Variants in CLCNKA observed in about 807,000 individuals in gnomAD.
CLCNKA encodes chloride channel protein ClC-Ka.
CLCNKA carries 66 observed loss-of-function variants against 83.3 expected under a neutral mutation model. That is an observed-to-expected ratio of 0.79 (90% CI 0.65 to 0.97). CLCNKA has a LOEUF of 0.97. Ranked by LOEUF, CLCNKA falls within the 50% of genes least tolerant of loss-of-function variation. The pLI is 0.00. For missense variants in CLCNKA, 806 were observed against 888.7 expected (o/e 0.91, Z 1.18); for synonymous variants, 357 against 370.4 (o/e 0.96, Z 0.42).
In CLCNKA at chr1:16,026,220, C is replaced by T. The variant is rs201270640; in HGVS notation, c.471C>T (p.Thr157=). 28 of 1,613,886 alleles carry T rather than the reference C, an allele frequency of 1.7e-5. No homozygotes were observed. The highest frequency in any genetic ancestry group is 6.6e-5 in the South Asian group (6 of 91,066). The change falls in exon 5 of 20, where the codon ACC becomes ACT. Residue 157 remains threonine, a synonymous_variant. Coordinates refer to ENST00000331433, the MANE Select transcript of CLCNKA (RefSeq NM_004070.4). Reference sequence around the variant, plus strand: ...TGGGCCTCTCCTGCACCCTGGCCACCGGCAGCACCCTGTTCCTGGGCAAAG... The same window carrying T: ...TGGGCCTCTCCTGCACCCTGGCCACTGGCAGCACCCTGTTCCTGGGCAAAG... ...KVVGLSCTLA[T]GSTLFLGKVG... is the part of the protein sequence containing the mutation.
At chr1:16,031,686 T>C (rs1264885455) in intron 15 of CLCNKA, 24 bp from the exon 16 acceptor site, 7 of 1,613,476 alleles carry the variant, frequency 4.3e-6, no homozygotes, top group Non-Finnish European at 4.2e-6. Flanking sequence ...CTCCGGGACC[T>C]GATGGGAGCC....
chr1:16,024,958 T>C, intron 4 of CLCNKA, 67 bp downstream of exon 4: 8 of 1,596,878 alleles, frequency 5.0e-6, no homozygotes, highest in Non-Finnish European at 6.0e-6. Flanking sequence ...GGGCTTCTGA[T>C]GGGGGGAATC....
intron 17 of CLCNKA, 33 bp from the exon 18 acceptor site, chr1:16,032,410 G>A (rs201197774): frequency 4.0e-4 from 633 of 1,585,868 alleles, no homozygotes; most frequent in Non-Finnish European, 5.0e-4. Context: ...TGGGGAGGCC[G>A]GCCCTGCACC....
At chr1:16,027,984 T>A (rs1164578692) in intron 9 of CLCNKA, 34 bp from the exon 10 acceptor site, 2 of 1,613,500 alleles carry the variant, frequency 1.2e-6, no homozygotes, top group Admixed American at 1.7e-5. Context: ...GGTACTGGGG[T>A]CAGGCTCTGG....
chr1:16,024,484 T>C (rs2124022036), intron 3 of CLCNKA, among the ~76,000 whole-genome samples: 1 of 152,336 alleles, frequency 6.6e-6, no homozygotes, highest in Non-Finnish European at 1.5e-5. Flanking sequence ...AATGAGCCTG[T>C]GAGGAAGAGC....
intron 3 of CLCNKA, among the ~76,000 whole-genome samples, chr1:16,024,541 G>A (rs913146189): frequency 2.6e-5 from 4 of 152,302 alleles, no homozygotes; most frequent in Non-Finnish European, 5.9e-5. Context: ...GCTCAGAGAG[G>A]CTGAGTGGCT....
At chr1:16,024,665 C>T (rs955817237) in intron 3 of CLCNKA, 98 bp from the exon 4 acceptor site, 171 of 1,538,902 alleles carry the variant, frequency 1.1e-4, no homozygotes, top group East Asian at 1.4e-4. Flanking sequence ...CTCCCCTCTT[C>T]GTGACTCCAT....
chr1:16,023,995 T>C (rs2022242833), intron 3 of CLCNKA, 67 bp downstream of exon 3: 1 of 1,596,692 alleles, frequency 6.3e-7, no homozygotes, highest in Admixed American at 1.7e-5. Context: ...GGATACCAGA[T>C]GGGCCACCAA....
At chr1:16,022,301 G>C (rs2022162190) in intron 1 of CLCNKA, among the ~76,000 whole-genome samples, 1 of 152,210 alleles carries the variant, frequency 6.6e-6, no homozygotes, top group Admixed American at 6.5e-5. Context: ...CACAGCCCTG[G>C]GCAGAGACTG....
chr1:16,023,940 C>T lies in CLCNKA; in HGVS notation c.229+12C>T. 6.2e-7 allele frequency: 1 copy of T among 1,613,792 alleles called. No individual in the cohort carries two copies. Among genetic ancestry groups the T allele is most frequent in the Non-Finnish European group, 8.5e-7 (1 of 1,179,804 alleles). ...GTGTGTGGTCCGAGGTAACTCTTCC[C>T]TGGCAGGTGCTGCTCTGGGCCAAGG... On this transcript the variant is annotated intron_variant, in intron 3 of 19. Transcript: ENST00000331433.
At chr1:16,028,216 C>T in intron 10 of CLCNKA, 97 bp downstream of exon 10, 1 of 1,130,990 alleles carries the variant, frequency 8.8e-7, no homozygotes, top group Non-Finnish European at 1.3e-6. Context: ...CCACTGAGCC[C>T]CTAAATCCCT....
chr1:16,022,832 A>T lies in CLCNKA; in HGVS notation c.100+113A>T, dbSNP rs149588965. On this transcript the variant is annotated intron_variant, in intron 2 of 19. Transcript: ENST00000331433. ...ACCACCCTCCTGTCATTTGTCCAGG[A>T]CATGACTGCCCAAAGTCTCCTGGGT... is the stretch of plus-strand genomic sequence containing the variant. The T allele has an allele frequency of 1.4e-4, 106 of 761,530 alleles. 2 individuals are homozygous for T. In the Middle Eastern group the frequency reaches 0.012, roughly 83 times the overall value. The allele number at this position is 761,530 out of a possible 1,614,324, so 47.2% of individuals were successfully genotyped here.
chr1:16,028,131 G>A lies in CLCNKA; in HGVS notation c.968+12G>A. The A allele has an allele frequency of 6.2e-7, 1 of 1,611,840 alleles. No individual in the cohort carries two copies. The highest frequency in any genetic ancestry group is 2.2e-5 in the East Asian group (1 of 44,792). ...CTGCTGGCTACTAGGTAGGCTCTGG[G>A]CTAGGGGCTGGGGACATCTCAGTGA... On this transcript the variant is annotated intron_variant, in intron 10 of 19. Transcript: ENST00000331433.
intron 18 of CLCNKA, 34 bp downstream of exon 18, chr1:16,032,560 C>G (rs2022673120): frequency 2.0e-6 from 3 of 1,512,668 alleles, no homozygotes; most frequent in East Asian, 4.5e-5. Flanking sequence ...CACACGCAGC[C>G]CCCGGGGCAG....
At chr1:16,023,686 C>A in intron 2 of CLCNKA, 114 bp from the exon 3 acceptor site, 1 of 1,315,104 alleles carries the variant, frequency 7.6e-7, no homozygotes, top group Non-Finnish European at 1.1e-6. Flanking sequence ...CTCAGGACTA[C>A]CCCAGACTCA....
At chr1:16,031,277 T>C (rs946442476) in intron 15 of CLCNKA, among the ~76,000 whole-genome samples, 4 of 152,194 alleles carry the variant, frequency 2.6e-5, no homozygotes, top group African/African-American at 9.7e-5. Context: ...TTTTCAACCT[T>C]CCAAGTTTTT....
At position 16,029,268 on chromosome 1, in the gene CLCNKA, T is replaced by A. The variant is rs543414870; in HGVS notation, c.1196T>A (p.Phe399Tyr). 1.3e-4 allele frequency: 212 copies of A among 1,613,912 alleles called. 1 individual carries two copies. In the East Asian group the frequency reaches 3.9e-3, roughly 30 times the overall value. The change falls in exon 12 of 20, where the codon TTT becomes TAT. Residue 399 changes from phenylalanine (F) to tyrosine (Y), a missense_variant. Phe to Tyr is a conservative substitution (Grantham distance 22). Transcript: ENST00000331433. ...TGGTACCACCCGCGGTTCACCATCT[T>A]TGGGACCCTTGCCTTCTTCCTGGTT... is the stretch of plus-strand genomic sequence containing the variant. Reference protein sequence around the residue: ...WEWYHPRFTIFGTLAFFLVMK... With the variant: ...WEWYHPRFTIYGTLAFFLVMK...
chr1:16,028,971 G>T, intron 11 of CLCNKA, 126 bp downstream of exon 11: 1 of 1,500,772 alleles, frequency 6.7e-7, no homozygotes, highest in Non-Finnish European at 9.2e-7. Flanking sequence ...TGCAGATAAG[G>T]AGACCATGGC....
At chr1:16,030,401 C>T in intron 14 of CLCNKA, 60 bp from the exon 15 acceptor site, 1 of 1,594,344 alleles carries the variant, frequency 6.3e-7, no homozygotes, top group Non-Finnish European at 8.6e-7. Flanking sequence ...GTTATTCCCT[C>T]ACATCAGGCT....
Sources: allele counts gnomAD v4.1 joint callset (sites outside exome capture counted in the v4.1 genomes callset), GRCh38; gene constraint gnomAD v4.1.1; transcripts MANE v1.5; gene names NCBI Gene and HGNC (gene_info 2026-07-23, HGNC 2026-07-21).